The following DDR2 variants were observed in gnomAD, a reference collection of about 807,000 sequenced individuals.
DDR2 encodes discoidin domain-containing receptor 2.
DDR2 carries 27 observed loss-of-function variants against 94.9 expected under a neutral mutation model. The observed-to-expected ratio is 0.28, with a 90% CI of 0.21 to 0.39. The LOEUF is 0.39. DDR2 is among the 10% of genes least tolerant of loss of function. The pLI, the probability that DDR2 is intolerant of heterozygous loss-of-function variation, is 1.00. For missense variants in DDR2, 783 were observed against 1,076.0 expected, an observed-to-expected ratio of 0.73 and a Z score of 3.81; for synonymous variants, 382 against 377.2, an observed-to-expected ratio of 1.01 and a Z score of -0.15.
chr1:162,746,302 C>T (rs780790271), intron 3 of DDR2, among the ~76,000 whole-genome samples: 16 of 152,190 alleles, frequency 1.1e-4, no homozygotes, highest in East Asian at 1.9e-4. Flanking sequence ...TCTTAGCAAA[C>T]GGCACACCAG....
At chr1:162,734,996 A>G (rs974978044) in intron 3 of DDR2, among the ~76,000 whole-genome samples, 1 of 152,204 alleles carries the variant, frequency 6.6e-6, no homozygotes, top group Non-Finnish European at 1.5e-5. Flanking sequence ...TGCGCACTGC[A>G]TGGGAAGAAT....
chr1:162,702,822 G>T (rs1342943420), intron 2 of DDR2, among the ~76,000 whole-genome samples: 1 of 152,198 alleles, frequency 6.6e-6, no homozygotes, highest in Non-Finnish European at 1.5e-5. Flanking sequence ...CAGCTGGTCA[G>T]ATGCTGTTTC....
At chr1:162,671,060 C>A (rs1658814146) in intron 2 of DDR2, among the ~76,000 whole-genome samples, 1 of 152,108 alleles carries the variant, frequency 6.6e-6, no homozygotes, top group Admixed American at 6.5e-5. Flanking sequence ...TGTGGCTTGG[C>A]CTCTTTGTAC....
chr1:162,728,397 C>CT (rs1318886015), intron 3 of DDR2, among the ~76,000 whole-genome samples: 2 of 151,720 alleles, frequency 1.3e-5, no homozygotes, highest in Non-Finnish European at 2.9e-5. Flanking sequence ...GAAGGGAAAG[C>CT]TTTTGAGCTG....
At chr1:162,660,670 T>C (rs1658247370) in intron 2 of DDR2, among the ~76,000 whole-genome samples, 1 of 152,202 alleles carries the variant, frequency 6.6e-6, no homozygotes, top group African/African-American at 2.4e-5. Flanking sequence ...CAACTTCCTT[T>C]CTAGAGTTGT....
chr1:162,770,687 A>C, intron 12 of DDR2, 175 bp downstream of exon 12: 1 of 746,322 alleles, frequency 1.3e-6, no homozygotes, highest in Non-Finnish European at 2.4e-6. Flanking sequence ...TAATTTGAGC[A>C]ACTCTCCTTT....
chr1:162,644,515 A>G (rs573666709), intron 1 of DDR2, among the ~76,000 whole-genome samples: 1 of 152,216 alleles, frequency 6.6e-6, no homozygotes, highest in Non-Finnish European at 1.5e-5. Context: ...CCTGATGATC[A>G]TGGTGTATGA....
intron 2 of DDR2, among the ~76,000 whole-genome samples, chr1:162,704,428 A>C (rs1660563669): frequency 6.6e-6 from 1 of 152,216 alleles, no homozygotes; most frequent in South Asian, 2.1e-4. Flanking sequence ...CTGATTTGAC[A>C]CATACCAACA....
chr1:162,753,036 G>T (rs1663288890), intron 3 of DDR2, 59 bp from the exon 4 acceptor site: 1 of 1,409,220 alleles, frequency 7.1e-7, no homozygotes, highest in South Asian at 1.2e-5. Context: ...TTCCTAGGGG[G>T]CTTGGAAATA....
chr1:162,650,607 C>CATAA (rs932329440), intron 1 of DDR2, among the ~76,000 whole-genome samples: 18 of 152,164 alleles, frequency 1.2e-4, no homozygotes, highest in Non-Finnish European at 1.3e-4. Context: ...AAAATAAATA[C>CATAA]ATAAATAAAT....
upstream of DDR2, chr1:162,631,434 T>G (rs1212975359): frequency 1.3e-5 from 2 of 152,186 alleles, no homozygotes; most frequent in African/African-American, 4.8e-5. Context: ...TTACAAGAAG[T>G]CTGGCTCTCA....
At chr1:162,664,423 C>G (rs1323553408) in intron 2 of DDR2, among the ~76,000 whole-genome samples, 1 of 151,948 alleles carries the variant, frequency 6.6e-6, no homozygotes, top group Non-Finnish European at 1.5e-5. Context: ...AGGACAAAAT[C>G]TATACACAAA....
At position 162,778,560 on chromosome 1, in the gene DDR2, T is replaced by C. The variant is rs2102205743; in HGVS notation, c.2284-20T>C. ...TGCACAGGTTATTCTGATTTCCCATTCTTTTCTTTACTTAAATAGGGCAAG... is the reference window on the plus strand; with the variant it reads ...TGCACAGGTTATTCTGATTTCCCATCCTTTTCTTTACTTAAATAGGGCAAG... On this transcript the variant is annotated intron_variant, in intron 16 of 17. Coordinates refer to ENST00000367921, the MANE Select transcript of DDR2 (RefSeq NM_006182.4). 1 of 1,613,922 alleles carries C rather than the reference T, an allele frequency of 6.2e-7. No homozygotes were observed. The highest frequency in any genetic ancestry group is 1.7e-5 in the Admixed American group (1 of 60,008).
chr1:162,678,455 A>G (rs9970915), intron 2 of DDR2, among the ~76,000 whole-genome samples: 7,742 of 152,282 alleles, frequency 0.051, 312 homozygotes, highest in East Asian at 0.14. Context: ...TCTCTTTCAA[A>G]TACATCCTCT....
rs561352140 is a variant in DDR2 at position 162,786,889 on chromosome 1, C to T, written c.*6643C>T. The T allele has an allele frequency of 6.0e-4, 92 of 152,270 alleles. 1 individual carries two copies. The highest frequency in any genetic ancestry group is 2.0e-3 in the African/African-American group (82 of 41,548). The allele number at this position is 152,270 out of a possible 1,614,324, so 9.4% of individuals were successfully genotyped here. A position where few individuals can be genotyped will look rare whatever the true frequency, so the allele number is the denominator to read the frequency against. On this transcript the variant is annotated 3_prime_UTR_variant, in exon 18 of 18. Coordinates refer to ENST00000367921, the MANE Select transcript of DDR2 (RefSeq NM_006182.4). ...CTAGAATTAACTGGTGATCCCTTAT[C>T]GTTATGGTTACAGACTTGTCTTGTT...
intron 2 of DDR2, among the ~76,000 whole-genome samples, chr1:162,714,721 A>G (rs1294063677): frequency 6.6e-6 from 1 of 151,686 alleles, no homozygotes; most frequent in East Asian, 1.9e-4. Flanking sequence ...ATTCTTCTTC[A>G]TTTACTTGTT....
intron 3 of DDR2, among the ~76,000 whole-genome samples, chr1:162,747,279 A>G (rs577448580): frequency 5.9e-5 from 9 of 152,290 alleles, no homozygotes; most frequent in Admixed American, 1.3e-4. Flanking sequence ...TTGAAAAAAG[A>G]TTAGACGAAT....
At chr1:162,680,305 C>T (rs902657773) in intron 2 of DDR2, among the ~76,000 whole-genome samples, 4 of 152,032 alleles carry the variant, frequency 2.6e-5, no homozygotes, top group African/African-American at 7.2e-5. Flanking sequence ...AGTTGATTTT[C>T]GTATGTGGTA....
At chr1:162,772,585 C>T in intron 13 of DDR2, 3 of 342,088 alleles carry the variant, frequency 8.8e-6, no homozygotes, top group South Asian at 2.6e-5. Flanking sequence ...TATGAACTGT[C>T]CAGGAACATT....
Sources: gnomAD v4.1 joint callset for allele counts (sites outside exome capture counted in the v4.1 genomes callset) on GRCh38, gnomAD v4.1.1 for gene constraint, MANE v1.5 for transcripts, NCBI Gene and HGNC (gene_info 2026-07-23, HGNC 2026-07-21) for gene names.